Variants in PRKCE observed in about 807,000 individuals in gnomAD.
PRKCE encodes the protein protein kinase C epsilon type.
Under a neutral mutation model 85.4 loss-of-function variants are expected in PRKCE, and 16 were observed. The observed-to-expected ratio is 0.19, with a 90% CI of 0.13 to 0.28. The LOEUF (loss-of-function observed/expected upper bound fraction) is 0.28, where lower values mean the gene tolerates loss of function less well. Among genes scored for constraint, PRKCE ranks in the 10% least tolerant of loss-of-function variants. The probability of loss-of-function intolerance (pLI) is 1.00; values close to 1 mark genes in which losing one functional copy is unlikely to be tolerated. For synonymous variants in PRKCE, 388 were observed against 371.5 expected (o/e 1.04, Z -0.51); for missense variants, 573 against 975.2 (o/e 0.59, Z 5.49).
At chr2:45,762,013 G>T (rs1255342837) in intron 1 of PRKCE, among the ~76,000 whole-genome samples, 1 of 152,158 alleles carries the variant, frequency 6.6e-6, no homozygotes, top group African/African-American at 2.4e-5. Flanking sequence ...CCCAACCTGG[G>T]TTTCCATCCC....
At chr2:46,058,768 T>C (rs1666842370) in intron 10 of PRKCE, among the ~76,000 whole-genome samples, 1 of 152,202 alleles carries the variant, frequency 6.6e-6, no homozygotes, top group Non-Finnish European at 1.5e-5. Flanking sequence ...TGAACACGGC[T>C]CACTGCAGCC....
At chr2:45,909,349 A>C (rs960427641) in intron 2 of PRKCE, among the ~76,000 whole-genome samples, 1 of 152,164 alleles carries the variant, frequency 6.6e-6, no homozygotes, top group African/African-American at 2.4e-5. Context: ...GTGGATGTTC[A>C]TTTTCTCATT....
chr2:45,720,532 C>T (rs1378737385), intron 1 of PRKCE, among the ~76,000 whole-genome samples: 5 of 152,092 alleles, frequency 3.3e-5, no homozygotes, highest in Admixed American at 1.3e-4. Flanking sequence ...TGTCGCTGCC[C>T]ACCAATGCCA....
intron 6 of PRKCE, among the ~76,000 whole-genome samples, chr2:45,988,250 A>G (rs559154033): frequency 1.3e-5 from 2 of 152,294 alleles, no homozygotes; most frequent in African/African-American, 4.8e-5. Flanking sequence ...CATTCCTGGA[A>G]ATAGATTACA....
intron 1 of PRKCE, among the ~76,000 whole-genome samples, chr2:45,761,738 G>A (rs1341723673): frequency 1.3e-5 from 2 of 152,146 alleles, no homozygotes; most frequent in Non-Finnish European, 2.9e-5. Flanking sequence ...CTGGCCTCTT[G>A]TATGAGATAA....
At chr2:45,876,465 T>C (rs1402856600) in intron 2 of PRKCE, among the ~76,000 whole-genome samples, 1 of 152,234 alleles carries the variant, frequency 6.6e-6, no homozygotes, top group Non-Finnish European at 1.5e-5. Context: ...TTTATAGTCT[T>C]GCAACTTGTG....
intron 11 of PRKCE, among the ~76,000 whole-genome samples, chr2:46,134,590 A>T (rs866604649): frequency 7.9e-5 from 12 of 152,246 alleles, no homozygotes; most frequent in African/African-American, 2.7e-4. Flanking sequence ...CAGGACTGCA[A>T]GTTCAAGCAA....
chr2:45,882,834 G>C (rs886785425), intron 2 of PRKCE, among the ~76,000 whole-genome samples: 2 of 152,244 alleles, frequency 1.3e-5, no homozygotes, highest in African/African-American at 2.4e-5. Context: ...GCCGATTCCA[G>C]GGAAGCTCTG....
At chr2:45,938,069 G>T (rs1699606530) in intron 2 of PRKCE, among the ~76,000 whole-genome samples, 1 of 152,162 alleles carries the variant, frequency 6.6e-6, no homozygotes, top group Non-Finnish European at 1.5e-5. Context: ...GCCTCTTCTT[G>T]TTCTCCTCCC....
intron 5 of PRKCE, among the ~76,000 whole-genome samples, chr2:45,981,082 C>T (rs559414162): frequency 5.0e-4 from 76 of 152,330 alleles, no homozygotes; most frequent in African/African-American, 1.8e-3. Flanking sequence ...ATCTTAGAAA[C>T]TAGCATCAGA....
intron 11 of PRKCE, among the ~76,000 whole-genome samples, chr2:46,115,278 C>T (rs1398534271): frequency 6.6e-6 from 1 of 152,238 alleles, no homozygotes; most frequent in Non-Finnish European, 1.5e-5. Flanking sequence ...GACAGACATT[C>T]TCAGGCATTG....
rs749739187 is a variant in PRKCE, at chr2:45,652,343, G to A, written c.243G>A (p.Leu81=). The change falls in exon 1 of 15, where the codon CTG becomes CTA. Residue 81 remains leucine (L), a synonymous_variant. Transcript: ENST00000306156. This position sits in a 1 kb window ranked among gnomAD's most constrained non-coding sequence, Gnocchi z 7.7. ...TDVCNGRKIE[L]AVFHDAPIGY... ...TGTGCAACGGACGCAAGATCGAGCTGGCTGTCTTTCACGATGCCCCCATAG... is the reference window on the plus strand; with the variant it reads ...TGTGCAACGGACGCAAGATCGAGCTAGCTGTCTTTCACGATGCCCCCATAG... The A allele has an allele frequency of 6.8e-6, 11 of 1,613,786 alleles. No homozygotes were observed. In the East Asian group the frequency reaches 2.2e-4, roughly 33 times the overall value.
intron 2 of PRKCE, among the ~76,000 whole-genome samples, chr2:45,862,305 AC>A (rs1693230021): frequency 1.3e-5 from 2 of 151,732 alleles, no homozygotes; most frequent in Non-Finnish European, 2.9e-5. Flanking sequence ...TTTCCCTCCA[AC>A]AGTCTGCCTC....
At chr2:45,813,858 T>A (rs537842919) in intron 1 of PRKCE, among the ~76,000 whole-genome samples, 1 of 152,328 alleles carries the variant, frequency 6.6e-6, no homozygotes, top group African/African-American at 2.4e-5. Flanking sequence ...TGTTCCAGAT[T>A]GCATCTGTTC....
intron 2 of PRKCE, among the ~76,000 whole-genome samples, chr2:45,973,304 G>A (rs999500633): frequency 6.6e-6 from 1 of 152,280 alleles, no homozygotes; most frequent in Middle Eastern, 3.4e-3. Context: ...GGCCTGACCC[G>A]TGGCTTTCCT....
intron 11 of PRKCE, among the ~76,000 whole-genome samples, chr2:46,093,081 A>T (rs1428825789): frequency 2.0e-5 from 3 of 152,232 alleles, no homozygotes; most frequent in Non-Finnish European, 4.4e-5. Flanking sequence ...CCCAGAGAGC[A>T]TCGTTCTTAG....
chr2:46,014,313 A>G (rs1207372555), intron 10 of PRKCE, among the ~76,000 whole-genome samples: 3 of 152,200 alleles, frequency 2.0e-5, no homozygotes, highest in Non-Finnish European at 4.4e-5. Context: ...GGAATAAAGA[A>G]CTTCTAATTC....
At chr2:46,140,275 C>G (rs1447644089) in intron 11 of PRKCE, among the ~76,000 whole-genome samples, 1 of 152,054 alleles carries the variant, frequency 6.6e-6, no homozygotes, top group Non-Finnish European at 1.5e-5. Context: ...TAGACTGGTA[C>G]TACCAAGTGT....
At position 45,667,427 on chromosome 2, in the gene PRKCE, C is replaced by T. The variant is rs1010536454; in HGVS notation, c.348+14979C>T. Among the ~76,000 whole-genome samples, 3 of 152,060 alleles carry T rather than the reference C, an allele frequency of 2.0e-5. No individual in the cohort carries two copies. The South Asian group carries it at 6.2e-4, about 32-fold the overall frequency. ...CCTCCCAAAGTGCTGGGATTATAGG[C>T]GTGAGCCACCATGCCCAGCCTGGTT... On this transcript the variant is annotated intron_variant, in intron 1 of 14. Transcript: ENST00000306156.
Sources: gnomAD v4.1 joint callset for allele counts (sites outside exome capture counted in the v4.1 genomes callset) on GRCh38, gnomAD v4.1.1 for gene constraint, Gnocchi (gnomAD v3.1) non-coding constraint, MANE v1.5 for transcripts, NCBI Gene and HGNC (gene_info 2026-07-23, HGNC 2026-07-21) for gene names.